Variants in SLC9A8 observed in about 807,000 individuals in gnomAD.
SLC9A8 encodes sodium/hydrogen exchanger 8.
A neutral mutation model predicts 66.6 loss-of-function variants in SLC9A8; 48 were observed. The ratio of observed to expected loss-of-function variants is 0.72; its 90% CI spans 0.57 to 0.92. The LOEUF is 0.92. Among genes scored for constraint, SLC9A8 ranks in the 40% least tolerant of loss-of-function variants. The probability of loss-of-function intolerance (pLI) is 0.00; values close to 1 mark genes in which losing one functional copy is unlikely to be tolerated. For synonymous variants in SLC9A8, 274 were observed against 282.6 expected, an observed-to-expected ratio of 0.97 and a Z score of 0.31; for missense variants, 599 against 747.3, an observed-to-expected ratio of 0.80 and a Z score of 2.31.
At chr20:49,830,960 G>A in intron 3 of SLC9A8, 1 of 787,616 alleles carries the variant, frequency 1.3e-6, no homozygotes, top group South Asian at 1.3e-5. Context: ...CTTAGCCATT[G>A]CGCTGGGCAA....
chr20:49,887,031 T>A (rs2089917612), intron 15 of SLC9A8, 133 bp downstream of exon 15: 1 of 952,410 alleles, frequency 1.0e-6, no homozygotes. Flanking sequence ...GGCCGCCGCC[T>A]CCCGATCTGG....
At chr20:49,817,801 T>C (rs2086609184) in intron 2 of SLC9A8, among the ~76,000 whole-genome samples, 1 of 152,212 alleles carries the variant, frequency 6.6e-6, no homozygotes, top group South Asian at 2.1e-4. Context: ...ACCCTGTAAA[T>C]GTAGTTGAAT....
intron 3 of SLC9A8, among the ~76,000 whole-genome samples, chr20:49,836,158 G>T (rs578237109): frequency 6.6e-6 from 1 of 152,132 alleles, no homozygotes; most frequent in East Asian, 1.9e-4. Flanking sequence ...CATATAAATG[G>T]AATGGTAAAA....
intron 12 of SLC9A8, among the ~76,000 whole-genome samples, chr20:49,880,263 CA>C (rs3067561): frequency 3.3e-4 from 43 of 129,498 alleles, no homozygotes; most frequent in East Asian, 4.3e-4. Context: ...GACTTTGTCT[CA>C]AAAAAAAAAA....
At position 49,849,643 on chromosome 20, in the gene SLC9A8, CT is replaced by C. The variant is rs754417533; in HGVS notation, c.501del (p.Phe167LeufsTer2). On this transcript the variant is annotated frameshift_variant, in exon 6 of 16. Transcript: ENST00000361573. LOFTEE classifies it high-confidence loss of function. ...GCTGTTTTTGGGACGGCAATCTCCGCTTTTGTAGTAGGTGGAGGAATTTATT... is the reference window on the plus strand; with the variant it reads ...GCTGTTTTTGGGACGGCAATCTCCGCTTTGTAGTAGGTGGAGGAATTTATT... The part of the protein sequence containing the change: ...LFAVFGTAIS[A>X]FVVGGGIYFL... The C allele has an allele frequency of 6.2e-7, 1 of 1,613,842 alleles. No homozygotes were observed. The highest frequency in any genetic ancestry group is 1.1e-5 in the South Asian group (1 of 91,082).
chr20:49,881,673 T>C (rs1373700944), intron 13 of SLC9A8, among the ~76,000 whole-genome samples: 2 of 152,206 alleles, frequency 1.3e-5, no homozygotes, highest in Admixed American at 1.3e-4. Flanking sequence ...CACACTATAA[T>C]GTTCTCTATC....
chr20:49,824,622 C>G (rs1206066112), intron 3 of SLC9A8, among the ~76,000 whole-genome samples: 1 of 152,158 alleles, frequency 6.6e-6, no homozygotes, highest in East Asian at 1.9e-4. Flanking sequence ...CCTCATGTTT[C>G]TTGAATGTCT....
At chr20:49,878,533 C>T (rs527690142) in intron 12 of SLC9A8, among the ~76,000 whole-genome samples, 1 of 152,264 alleles carries the variant, frequency 6.6e-6, no homozygotes, top group African/African-American at 2.4e-5. Flanking sequence ...TTATTATGTA[C>T]TTCTTACTGC....
chr20:49,887,610 G>A (rs1055089465), intron 15 of SLC9A8, among the ~76,000 whole-genome samples: 3 of 152,142 alleles, frequency 2.0e-5, no homozygotes, highest in African/African-American at 7.2e-5. Flanking sequence ...CTCAAGCCAT[G>A]CTCCCTCCTC....
intron 3 of SLC9A8, among the ~76,000 whole-genome samples, chr20:49,825,581 G>T (rs1215778269): frequency 1.3e-5 from 2 of 152,280 alleles, no homozygotes; most frequent in East Asian, 3.9e-4. Context: ...GGCGGAAGTT[G>T]CATTGAGCTC....
intron 14 of SLC9A8, 159 bp downstream of exon 14, chr20:49,884,225 CACACACACACACACACG>C (rs1568882999): frequency 2.9e-4 from 69 of 242,066 alleles, no homozygotes; most frequent in South Asian, 1.0e-3. Context: ...CACACACACA[CACACACACACACACACG>C]ACACACACAC....
At chr20:49,860,361 C>A (rs989239648) in intron 8 of SLC9A8, among the ~76,000 whole-genome samples, 1 of 152,142 alleles carries the variant, frequency 6.6e-6, no homozygotes, top group African/African-American at 2.4e-5. Context: ...TGAATTTCCT[C>A]GAAAGGCTTT....
chr20:49,815,474 C>A, intron 2 of SLC9A8: 1 of 249,166 alleles, frequency 4.0e-6, no homozygotes. Context: ...TGAGGCCTGG[C>A]GCGGTGGCTC....
intron 8 of SLC9A8, among the ~76,000 whole-genome samples, chr20:49,859,801 G>C (rs1189398362): frequency 6.6e-6 from 1 of 152,166 alleles, no homozygotes; most frequent in Non-Finnish European, 1.5e-5. Context: ...GTTTTCTCCA[G>C]CTACAGCTTA....
At chr20:49,842,859 T>A (rs2087823909) in intron 4 of SLC9A8, among the ~76,000 whole-genome samples, 1 of 152,128 alleles carries the variant, frequency 6.6e-6, no homozygotes, top group African/African-American at 2.4e-5. Flanking sequence ...TCCCAAAGAC[T>A]CTAGAAAAGA....
At position 49,888,341 on chromosome 20, in the gene SLC9A8, G is replaced by A. The variant is rs115439337; in HGVS notation, c.*405G>A. ...CAGCCACTGCCTTCATGCTGCCCCC[G>A]CCGGACTGGCAGAGCCAGGGGTCAG... On this transcript the variant is annotated 3_prime_UTR_variant, in exon 16 of 16. Transcript: ENST00000361573. 399 of 180,610 alleles carry A rather than the reference G, an allele frequency of 2.2e-3. 3 individuals are homozygous for A. Among genetic ancestry groups the A allele is most frequent in the Middle Eastern group, 0.013 (5 of 392 alleles). The allele number at this position is 180,610 out of a possible 1,614,324, so 11.2% of individuals were successfully genotyped here. A position where few individuals can be genotyped will look rare whatever the true frequency, so the allele number is the denominator to read the frequency against.
At chr20:49,842,040 A>ATTTAT (rs1172892487) in intron 4 of SLC9A8, among the ~76,000 whole-genome samples, 5 of 149,322 alleles carry the variant, frequency 3.3e-5, no homozygotes, top group Admixed American at 6.7e-5. Context: ...TGGCCTATAT[A>ATTTAT]TTTATTTTAT....
rs1315288355 is a variant in SLC9A8, at chr20:49,842,469, C to T, written c.349-2567C>T. Among the ~76,000 whole-genome samples, 6 of 152,316 alleles carry T rather than the reference C, an allele frequency of 3.9e-5. No homozygotes were observed. In the East Asian group the frequency reaches 1.2e-3, roughly 29 times the overall value. Reference sequence around the variant, plus strand: ...GAAGTAGTACAGATGCCTGCTGAAGCATCAGAGGTCAAGTCTGCTCTCTGT... The same window carrying T: ...GAAGTAGTACAGATGCCTGCTGAAGTATCAGAGGTCAAGTCTGCTCTCTGT... On this transcript the variant is annotated intron_variant, in intron 4 of 15. Coordinates refer to ENST00000361573, the MANE Select transcript of SLC9A8 (RefSeq NM_015266.3).
At chr20:49,876,080 G>A (rs950911229) in intron 11 of SLC9A8, among the ~76,000 whole-genome samples, 2 of 152,104 alleles carry the variant, frequency 1.3e-5, no homozygotes, top group African/African-American at 4.8e-5. Flanking sequence ...CTGTTAGCGT[G>A]CTAGGAGGCA....
Sources: allele counts gnomAD v4.1 joint callset (sites outside exome capture counted in the v4.1 genomes callset), GRCh38; gene constraint gnomAD v4.1.1; transcripts MANE v1.5; gene names NCBI Gene and HGNC (gene_info 2026-07-23, HGNC 2026-07-21).